The following FLT3 variants were observed in gnomAD, a reference collection of about 807,000 sequenced individuals.
FLT3 encodes receptor-type tyrosine-protein kinase FLT3.
A neutral mutation model predicts 126.6 loss-of-function variants in FLT3; 46 were observed. That is an observed-to-expected ratio of 0.36 (90% confidence interval 0.29 to 0.46). The LOEUF is 0.46. Among genes scored for constraint, FLT3 ranks in the 20% least tolerant of loss-of-function variants. The pLI is 1.00. For missense variants in FLT3, 1,069 were observed against 1,190.3 expected, an observed-to-expected ratio of 0.90 and a Z score of 1.50; for synonymous variants, 404 against 434.4, an observed-to-expected ratio of 0.93 and a Z score of 0.87.
chr13:28,057,485 A>T, intron 3 of FLT3, 23 bp from the exon 4 acceptor site: 1 of 1,102,040 alleles, frequency 9.1e-7, no homozygotes, highest in South Asian at 1.2e-5. Flanking sequence ...AAAGAGAACT[A>T]GTTATTTTGG....
At position 28,036,018 on chromosome 13, in the gene FLT3, T is replaced by C. The variant is rs141302013; in HGVS notation, c.1335A>G (p.Ala445=). Residue 445 remains alanine, a synonymous_variant, in exon 11 of 24, where the codon GCA becomes GCG. Transcript: ENST00000241453. The stretch of plus-strand genomic sequence containing the variant: ...AGAAACAGGACGCCTGACTTGCCGA[T>C]GCTTCTGCGAGCACTTGAGGTTTCC... The part of the protein sequence containing the change: ...IRRKPQVLAE[A]SASQASCFSD... The C allele has an allele frequency of 8.7e-6, 14 of 1,614,120 alleles. No homozygotes were observed. The highest frequency in any genetic ancestry group is 8.0e-5 in the African/African-American group (6 of 75,028).
At position 28,091,826 on chromosome 13, in the gene FLT3, T is replaced by C. The variant is rs1373515503; in HGVS notation, c.43+8642A>G. Among the ~76,000 whole-genome samples the C allele has an allele frequency of 2.0e-5, 3 of 151,840 alleles. No homozygotes were observed. The East Asian group carries it at 5.8e-4, about 30-fold the overall frequency. On this transcript the variant is annotated intron_variant, in intron 1 of 23. Transcript: ENST00000241453. ...GGATTACGCCTGTAATCCCAGCACT[T>C]TGGGAGGCCAAGGCAGGTGGATCGC...
intron 11 of FLT3, 128 bp from the exon 12 acceptor site, chr13:28,035,801 A>G: frequency 8.3e-7 from 1 of 1,210,704 alleles, no homozygotes; most frequent in Admixed American, 2.0e-5. Flanking sequence ...ATGACTATTG[A>G]GAGTTATGGT....
At chr13:28,093,274 C>T (rs1208532810) in intron 1 of FLT3, among the ~76,000 whole-genome samples, 1 of 151,162 alleles carries the variant, frequency 6.6e-6, no homozygotes, top group Non-Finnish European at 1.5e-5. Context: ...GTTGGCCAGG[C>T]TGGACTTGAA....
chr13:28,015,672 G>A lies in FLT3; in HGVS notation c.2571C>T (p.Pro857=), dbSNP rs772854825. 1.0e-5 allele frequency: 16 copies of A among 1,605,524 alleles called. No homozygotes were observed. The highest frequency in any genetic ancestry group is 1.7e-4 in the Middle Eastern group (1 of 6,044). ...TGTAGATGCCTTCAAACAGGCTTTC[G>A]GGGGCCATCCATTTTACAGGCAGAC... ...NARLPVKWMA[P]ESLFEGIYTI... is the part of the protein sequence containing the mutation. Residue 857 remains proline (P), a synonymous_variant, in exon 21 of 24, where the codon CCC becomes CCT. Coordinates refer to ENST00000241453, the MANE Select transcript of FLT3 (RefSeq NM_004119.3).
intron 17 of FLT3, among the ~76,000 whole-genome samples, chr13:28,025,763 G>A (rs999434954): frequency 2.0e-5 from 3 of 152,134 alleles, no homozygotes; most frequent in African/African-American, 4.8e-5. Context: ...TCTAGACGAT[G>A]AGCTGGGAAA....
intron 15 of FLT3, among the ~76,000 whole-genome samples, chr13:28,032,928 T>C (rs960519658): frequency 1.3e-5 from 2 of 152,202 alleles, no homozygotes; most frequent in Admixed American, 6.5e-5. Flanking sequence ...GAGATGCTTT[T>C]GCTGGGTCAG....
chr13:28,082,207 G>C (rs2137810838), intron 1 of FLT3, among the ~76,000 whole-genome samples: 1 of 152,224 alleles, frequency 6.6e-6, no homozygotes, highest in East Asian at 1.9e-4. Context: ...CTGGAGTGTA[G>C]AGGCATTATC....
chr13:28,026,936 GA>G, intron 17 of FLT3, 151 bp downstream of exon 17: 2 of 683,292 alleles, frequency 2.9e-6, no homozygotes, highest in Non-Finnish European at 5.1e-6. Flanking sequence ...TGTCAACAGG[GA>G]AACTATAGCA....
intron 23 of FLT3, among the ~76,000 whole-genome samples, chr13:28,007,104 T>C (rs1870976439): frequency 1.3e-5 from 2 of 152,286 alleles, no homozygotes; most frequent in East Asian, 1.9e-4. Flanking sequence ...ACTTTTTAAA[T>C]ACATTCTCCT....
intron 23 of FLT3, among the ~76,000 whole-genome samples, 195 bp downstream of exon 23, chr13:28,014,257 C>T (rs921048876): frequency 3.3e-5 from 5 of 151,922 alleles, no homozygotes; most frequent in Non-Finnish European, 7.4e-5. Flanking sequence ...GGCCACAGAG[C>T]GAGACCCTGT....
chr13:28,026,210 C>T (rs373639752), intron 17 of FLT3, among the ~76,000 whole-genome samples: 2 of 151,858 alleles, frequency 1.3e-5, no homozygotes, highest in South Asian at 2.1e-4. Context: ...ATTAGCTGGG[C>T]GTGGTGGCAC....
At chr13:28,092,706 T>C (rs868566924) in intron 1 of FLT3, among the ~76,000 whole-genome samples, 2 of 151,984 alleles carry the variant, frequency 1.3e-5, no homozygotes, top group Admixed American at 6.6e-5. Context: ...GAAGTGTCTT[T>C]CTAAAATACA....
intron 21 of FLT3, 42 bp downstream of exon 21, chr13:28,015,548 C>A: frequency 8.3e-7 from 1 of 1,205,242 alleles, no homozygotes; most frequent in Non-Finnish European, 1.2e-6. Flanking sequence ...GCAGAGGATG[C>A]AAAGCCAGGA....
chr13:28,065,401 T>C (rs536021684), intron 2 of FLT3, among the ~76,000 whole-genome samples: 1 of 151,826 alleles, frequency 6.6e-6, no homozygotes, highest in East Asian at 2.0e-4. Context: ...CAGGACTTTG[T>C]GAGGCCAAGG....
chr13:28,048,575 T>C (rs1566082058), intron 8 of FLT3, 132 bp from the exon 9 acceptor site: 1 of 649,096 alleles, frequency 1.5e-6, no homozygotes, highest in Non-Finnish European at 2.6e-6. Flanking sequence ...GCAGGTCAGG[T>C]TGGATAATCC....
intron 15 of FLT3, among the ~76,000 whole-genome samples, chr13:28,031,084 C>T (rs1261257219): frequency 1.3e-5 from 2 of 151,664 alleles, no homozygotes; most frequent in South Asian, 2.1e-4. Context: ...AAAATTTAGC[C>T]GGGCGTGGTG....
chr13:28,089,022 T>G (rs1162503408), intron 1 of FLT3, among the ~76,000 whole-genome samples: 1 of 152,156 alleles, frequency 6.6e-6, no homozygotes, highest in Non-Finnish European at 1.5e-5. Flanking sequence ...CACTCCAGTT[T>G]TAAAAATGGG....
At chr13:28,056,078 A>G (rs1405712034) in intron 4 of FLT3, among the ~76,000 whole-genome samples, 1 of 151,974 alleles carries the variant, frequency 6.6e-6, no homozygotes, top group Non-Finnish European at 1.5e-5. Context: ...ACCTTACTCC[A>G]CCCCCAACCC....
Sources: gnomAD v4.1 joint callset for allele counts (sites outside exome capture counted in the v4.1 genomes callset) on GRCh38, gnomAD v4.1.1 for gene constraint, MANE v1.5 for transcripts, NCBI Gene and HGNC (gene_info 2026-07-23, HGNC 2026-07-21) for gene names.